DLG2: variants seen among roughly 807,000 people sequenced by gnomAD.
The protein encoded by DLG2 is disks large homolog 2.
Under a neutral mutation model 132.5 loss-of-function variants are expected in DLG2, and 45 were observed. The ratio of observed to expected loss-of-function variants is 0.34; its 90% confidence interval spans 0.27 to 0.44. DLG2 has a LOEUF of 0.44. Among genes scored for constraint, DLG2 ranks in the 20% least tolerant of loss-of-function variants. The probability of loss-of-function intolerance (pLI) is 1.00; values close to 1 mark genes in which losing one functional copy is unlikely to be tolerated. For missense variants in DLG2, 1,045 were observed against 1,196.9 expected (o/e 0.87, Z 1.87); for synonymous variants, 424 against 419.6 (o/e 1.01, Z -0.13).
chr11:85,487,515 T>C (rs1456430398), intron 3 of DLG2, among the ~76,000 whole-genome samples: 2 of 145,368 alleles, frequency 1.4e-5, no homozygotes, highest in Non-Finnish European at 1.5e-5. Context: ...AACTGAAAAA[T>C]TAATTGGAGA....
intron 11 of DLG2, among the ~76,000 whole-genome samples, chr11:84,023,708 C>A (rs1170080361): frequency 6.6e-6 from 1 of 152,034 alleles, no homozygotes; most frequent in Non-Finnish European, 1.5e-5. Context: ...ATTGCAAACA[C>A]TTAATATAAA....
chr11:85,247,511 G>A (rs971037038), intron 4 of DLG2, among the ~76,000 whole-genome samples: 3 of 151,600 alleles, frequency 2.0e-5, no homozygotes, highest in Admixed American at 6.6e-5. Flanking sequence ...TTTTTCCTTA[G>A]TATTCATCAC....
At chr11:84,888,841 G>A (rs930746671) in intron 6 of DLG2, among the ~76,000 whole-genome samples, 2 of 152,108 alleles carry the variant, frequency 1.3e-5, no homozygotes, top group African/African-American at 4.8e-5. Context: ...GGTCAGTGGG[G>A]AGGCAGAAGT....
Position 84,122,746 on chromosome 11 carries a change from T to C in DLG2, c.625-23699A>G, listed in dbSNP as rs184712450. Reference sequence around the variant, plus strand: ...AATGAGGCAGAAAATTACATTCAATTTGAGGTAGCAAATTAAATTGCCCTT... The same window carrying C: ...AATGAGGCAGAAAATTACATTCAATCTGAGGTAGCAAATTAAATTGCCCTT... On this transcript the variant is annotated intron_variant, in intron 9 of 27. Transcript: ENST00000376104. 2.8e-4 allele frequency among the ~76,000 whole-genome samples: 42 copies of C among 152,274 alleles called. 1 individual carries two copies. In the East Asian group the frequency reaches 7.9e-3, roughly 29 times the overall value.
chr11:84,151,720 TC>T (rs1208449267), intron 9 of DLG2, among the ~76,000 whole-genome samples: 8 of 152,196 alleles, frequency 5.3e-5, no homozygotes, highest in African/African-American at 1.9e-4. Context: ...TTTCACTGAA[TC>T]CTAGAGATTT....
At chr11:83,651,715 C>T in intron 18 of DLG2, 1 of 347,680 alleles carries the variant, frequency 2.9e-6, no homozygotes, top group South Asian at 2.5e-5. Context: ...AAGAGAATGC[C>T]CTCGGAAGTC....
intron 7 of DLG2, among the ~76,000 whole-genome samples, chr11:84,475,471 G>A (rs1315670006): frequency 1.3e-5 from 2 of 152,076 alleles, no homozygotes; most frequent in African/African-American, 4.8e-5. Flanking sequence ...TGTCTCAGGG[G>A]AATAAAGTGG....
chr11:83,626,392 C>T (rs191966342), intron 19 of DLG2, among the ~76,000 whole-genome samples: 92 of 152,288 alleles, frequency 6.0e-4, no homozygotes, highest in African/African-American at 2.2e-3. Flanking sequence ...TCTTATTCAT[C>T]ACTGTGCCCT....
intron 18 of DLG2, among the ~76,000 whole-genome samples, chr11:83,730,760 G>T (rs1018447170): frequency 2.0e-5 from 3 of 152,166 alleles, no homozygotes; most frequent in Non-Finnish European, 4.4e-5. Context: ...AAAATTTGCT[G>T]TTTCTCGTTG....
chr11:84,417,971 A>G (rs780901253), intron 7 of DLG2, among the ~76,000 whole-genome samples: 1 of 152,210 alleles, frequency 6.6e-6, no homozygotes, highest in African/African-American at 2.4e-5. Flanking sequence ...TACACTTTAC[A>G]TGTAATATAA....
At chr11:85,428,810 A>C (rs570172879) in intron 3 of DLG2, among the ~76,000 whole-genome samples, 6 of 152,206 alleles carry the variant, frequency 3.9e-5, no homozygotes, top group Non-Finnish European at 8.8e-5. Context: ...AGACACAAAA[A>C]ACCCTTCAAA....
chr11:83,505,681 T>C (rs1592053711), intron 21 of DLG2, among the ~76,000 whole-genome samples: 2 of 152,182 alleles, frequency 1.3e-5, no homozygotes, highest in Non-Finnish European at 2.9e-5. Flanking sequence ...TGAATCAGTA[T>C]ATAATTGCAC....
intron 6 of DLG2, among the ~76,000 whole-genome samples, chr11:84,587,124 T>C (rs573761612): frequency 6.6e-6 from 1 of 152,104 alleles, no homozygotes; most frequent in Admixed American, 6.5e-5. Context: ...AGGTGACAAC[T>C]TTTTGTCTGT....
At chr11:83,537,687 C>T (rs142365807) in intron 20 of DLG2, among the ~76,000 whole-genome samples, 2,905 of 151,388 alleles carry the variant, frequency 0.019, 95 homozygotes, top group African/African-American at 0.066. Context: ...TGGTGGTGGG[C>T]ATCTGTAATC....
chr11:84,880,067 T>C (rs2087045039), intron 6 of DLG2, among the ~76,000 whole-genome samples: 1 of 152,106 alleles, frequency 6.6e-6, no homozygotes, highest in South Asian at 2.1e-4. Flanking sequence ...ATACTATTAA[T>C]ATGAATCACT....
intron 6 of DLG2, among the ~76,000 whole-genome samples, chr11:84,751,542 G>T (rs1229364913): frequency 6.6e-6 from 1 of 152,036 alleles, no homozygotes; most frequent in Admixed American, 6.6e-5. Flanking sequence ...AGAAATCACA[G>T]CATTCACATA....
At chr11:85,553,715 ACACT>A (rs913789830) in intron 3 of DLG2, among the ~76,000 whole-genome samples, 1 of 151,572 alleles carries the variant, frequency 6.6e-6, no homozygotes, top group Non-Finnish European at 1.5e-5. Flanking sequence ...ATAACAGATC[ACACT>A]CATCTCTCAA....
chr11:84,790,576 G>C (rs1167563701), intron 6 of DLG2, among the ~76,000 whole-genome samples: 4 of 152,098 alleles, frequency 2.6e-5, no homozygotes, highest in Non-Finnish European at 4.4e-5. Context: ...CTGTTGAGAA[G>C]CTTTTTAACT....
chr11:85,452,458 C>G (rs1030487346), intron 3 of DLG2: 2 of 166,626 alleles, frequency 1.2e-5, no homozygotes, highest in African/African-American at 2.4e-5. Context: ...ATAGTCTCCA[C>G]CACCATCTCC....
Sources: allele counts gnomAD v4.1 joint callset (sites outside exome capture counted in the v4.1 genomes callset), GRCh38; gene constraint gnomAD v4.1.1; transcripts MANE v1.5; gene names NCBI Gene and HGNC (gene_info 2026-07-23, HGNC 2026-07-21).